Variants in NFATC1 observed in about 807,000 individuals in gnomAD.
NFATC1 encodes the protein nuclear factor of activated T cells 1, also known as nuclear factor of activated T-cells, cytoplasmic 1.
Under a neutral mutation model 76.0 loss-of-function variants are expected in NFATC1, and 22 were observed. That is an observed-to-expected ratio of 0.29 (90% CI 0.21 to 0.41). The LOEUF (loss-of-function observed/expected upper bound fraction) is 0.41. Among genes scored for constraint, NFATC1 ranks in the 10% least tolerant of loss-of-function variants. The pLI is 1.00. For synonymous variants in NFATC1, 704 were observed against 613.1 expected (o/e 1.15, Z -2.19); for missense variants, 1,357 against 1,337.7 (o/e 1.01, Z -0.23).
rs140711063 is a variant in NFATC1 at position 79,410,498 on chromosome 18, T to G, written c.223T>G (p.Ser75Ala). 2.4e-5 allele frequency: 38 copies of G among 1,611,954 alleles called. No homozygotes were observed. Among genetic ancestry groups the G allele is most frequent in the African/African-American group, 6.7e-5 (5 of 74,970 alleles). The change falls in exon 2 of 10, where the codon TCC (serine) becomes GCC (alanine). Residue 75 changes from serine to alanine, a missense_variant. Ser to Ala is a moderately conservative substitution (Grantham distance 99). Around this residue, in one of 3 missense-constraint regions of NFATC1, gnomAD observed 691 missense variants for 613.1 expected, o/e 1.13. Transcript: ENST00000427363. This position sits in a 1 kb window ranked among gnomAD's most constrained non-coding sequence, Gnocchi z 6.7. The part of the protein sequence containing the change: ...LPAPCHNLQT[S>A]TPGIIPPADH... ...GGCCCCGTGCCACAACCTTCAGACC[T>G]CCACACCGGGCATCATCCCGCCGGC...
intron 2 of NFATC1, among the ~76,000 whole-genome samples, chr18:79,418,808 C>T (rs2085966486): frequency 6.6e-6 from 1 of 152,106 alleles, no homozygotes; most frequent in South Asian, 2.1e-4. Flanking sequence ...ACTTGGAGGG[C>T]GGGGTTTGCA....
intron 3 of NFATC1, among the ~76,000 whole-genome samples, chr18:79,445,714 T>C (rs1466265685): frequency 6.6e-6 from 1 of 152,254 alleles, no homozygotes; most frequent in Non-Finnish European, 1.5e-5. Flanking sequence ...CCCTTTAGGC[T>C]GACGGCTGCT....
At position 79,495,342 on chromosome 18, in the gene NFATC1, C is replaced by T. The variant is rs181928412; in HGVS notation, c.2782+8405C>T. Reference sequence around the variant, plus strand: ...TGCCTGAAGATATTCACTGTGGACACAGAATATTTTGAATTCTATGCTGTT... The same window carrying T: ...TGCCTGAAGATATTCACTGTGGACATAGAATATTTTGAATTCTATGCTGTT... On this transcript the variant is annotated intron_variant, in intron 9 of 9. Transcript: ENST00000427363. Among the ~76,000 whole-genome samples, 479 of 152,320 alleles carry T rather than the reference C, an allele frequency of 3.1e-3. 3 individuals carry two copies. Among genetic ancestry groups the T allele is most frequent in the Non-Finnish European group, 5.5e-3 (372 of 68,024 alleles).
chr18:79,460,602 T>C (rs192054397), intron 6 of NFATC1, among the ~76,000 whole-genome samples: 42 of 152,314 alleles, frequency 2.8e-4, no homozygotes, highest in African/African-American at 1.0e-3. Context: ...ACTGGGGAAA[T>C]GCCAAAAATA....
At chr18:79,495,122 A>G (rs1032452455) in intron 9 of NFATC1, among the ~76,000 whole-genome samples, 1 of 152,258 alleles carries the variant, frequency 6.6e-6, no homozygotes, top group Non-Finnish European at 1.5e-5. Context: ...CTCTCTAAAA[A>G]TAGGGGCTGC....
At chr18:79,463,499 G>A (rs751367908) in intron 7 of NFATC1, among the ~76,000 whole-genome samples, 4 of 150,942 alleles carry the variant, frequency 2.7e-5, no homozygotes, top group African/African-American at 7.4e-5. Flanking sequence ...TGTCCATACC[G>A]GCCTCTCTTC....
intron 9 of NFATC1, chr18:79,515,845 T>C (rs147703243): frequency 1.7e-3 from 264 of 152,114 alleles, no homozygotes; most frequent in African/African-American, 6.2e-3. Flanking sequence ...CTGTTTGAAA[T>C]GGAATTTCAT....
At chr18:79,443,308 C>T (rs781532298) in intron 3 of NFATC1, among the ~76,000 whole-genome samples, 15 of 152,230 alleles carry the variant, frequency 9.9e-5, no homozygotes, top group Non-Finnish European at 2.1e-4. Context: ...CTGTCACACA[C>T]ACTTGCCTCG....
intron 1 of NFATC1, among the ~76,000 whole-genome samples, chr18:79,405,243 T>G (rs1350249220): frequency 6.6e-6 from 1 of 152,234 alleles, no homozygotes; most frequent in Admixed American, 6.5e-5. Flanking sequence ...GAATGTGCTC[T>G]CCGCGATCAT....
chr18:79,397,119 C>A (rs1056225092), intron 1 of NFATC1, among the ~76,000 whole-genome samples: 1 of 152,108 alleles, frequency 6.6e-6, no homozygotes, highest in Non-Finnish European at 1.5e-5. Context: ...ATCTCACATT[C>A]CAGTCCCCCA....
intron 9 of NFATC1, among the ~76,000 whole-genome samples, chr18:79,487,720 G>A (rs1377981541): frequency 6.6e-6 from 1 of 152,258 alleles, no homozygotes; most frequent in Non-Finnish European, 1.5e-5. Flanking sequence ...CGACTTGCTT[G>A]CAGTCGCGCT....
In NFATC1 at chr18:79,492,512, A is replaced by G. The variant is rs560998838; in HGVS notation, c.2782+5575A>G. ...ATCACGAGGCCAGAAGATCGAAACC[A>G]TCCTGACTAACATGGTGAAACCCCA... On this transcript the variant is annotated intron_variant, in intron 9 of 9. Coordinates refer to ENST00000427363, the MANE Select transcript of NFATC1 (RefSeq NM_001278669.2). 4.6e-5 allele frequency among the ~76,000 whole-genome samples: 7 copies of G among 152,086 alleles called. No homozygotes were observed. The East Asian group carries it at 1.4e-3, about 29-fold the overall frequency.
rs963309817 is a variant in NFATC1, at chr18:79,527,819, C to T, written c.*242C>T. On this transcript the variant is annotated 3_prime_UTR_variant, in exon 10 of 10. Coordinates refer to ENST00000427363, the MANE Select transcript of NFATC1 (RefSeq NM_001278669.2). ...CTCATGACAACAGAAGGGAGGTGGCCGGGCTGAGCACGGGAGACCCACCGT... is the reference window on the plus strand; with the variant it reads ...CTCATGACAACAGAAGGGAGGTGGCTGGGCTGAGCACGGGAGACCCACCGT... 7 of 566,166 alleles carry T rather than the reference C, an allele frequency of 1.2e-5. No individual in the cohort carries two copies. Among genetic ancestry groups the T allele is most frequent in the Admixed American group, 9.1e-5 (3 of 33,048 alleles). The allele number at this position is 566,166 out of a possible 1,614,324, so 35.1% of individuals were successfully genotyped here.
intron 8 of NFATC1, among the ~76,000 whole-genome samples, chr18:79,474,664 C>G (rs2088966300): frequency 7.1e-6 from 1 of 140,188 alleles, no homozygotes. Context: ...CGTTGTAAAC[C>G]TGAGGGAAGC....
intron 9 of NFATC1, among the ~76,000 whole-genome samples, chr18:79,526,227 C>T (rs1243605064): frequency 2.6e-5 from 4 of 152,348 alleles, no homozygotes; most frequent in Non-Finnish European, 2.9e-5. Flanking sequence ...TGGGCCCTGT[C>T]GTTATCCTCC....
intron 9 of NFATC1, among the ~76,000 whole-genome samples, chr18:79,509,302 G>A (rs1600961717): frequency 1.3e-5 from 2 of 152,230 alleles, no homozygotes; most frequent in South Asian, 2.1e-4. Context: ...CCTGCCGGAC[G>A]CCAGCTCTCC....
chr18:79,514,408 C>T (rs1474265080), intron 9 of NFATC1, among the ~76,000 whole-genome samples: 2 of 151,596 alleles, frequency 1.3e-5, no homozygotes, highest in South Asian at 2.1e-4. Context: ...AATCCCACCT[C>T]TACCAAAAAT....
chr18:79,471,947 G>C (rs1172550299), intron 8 of NFATC1, among the ~76,000 whole-genome samples: 1 of 152,194 alleles, frequency 6.6e-6, no homozygotes, highest in East Asian at 1.9e-4. Flanking sequence ...GCCCTGCAAC[G>C]ATGACCTAGG....
chr18:79,414,024 T>C (rs2085790996), intron 2 of NFATC1, among the ~76,000 whole-genome samples: 1 of 152,214 alleles, frequency 6.6e-6, no homozygotes, highest in Non-Finnish European at 1.5e-5. Context: ...AGTTAACCTT[T>C]TCCCACTGTT....
Sources: gnomAD v4.1 joint callset for allele counts (sites outside exome capture counted in the v4.1 genomes callset) on GRCh38, gnomAD v4.1.1 for gene constraint, gnomAD v4.1.1 regional missense constraint, Gnocchi (gnomAD v3.1) non-coding constraint, MANE v1.5 for transcripts, NCBI Gene and HGNC (gene_info 2026-07-23, HGNC 2026-07-21) for gene names.